PLEKHA7: variants seen among roughly 807,000 people sequenced by gnomAD.
PLEKHA7 encodes pleckstrin homology domain containing A7.
In PLEKHA7, 104 loss-of-function variants were observed where a neutral mutation model predicts 170.0. The ratio of observed to expected loss-of-function variants is 0.61; its 90% CI spans 0.52 to 0.72. The LOEUF is 0.72. Among genes scored for constraint, PLEKHA7 ranks in the 30% least tolerant of loss-of-function variants. PLEKHA7 has a pLI of 0.00. For synonymous variants in PLEKHA7, 648 were observed against 660.8 expected, an observed-to-expected ratio of 0.98 and a Z score of 0.30; for missense variants, 1,615 against 1,671.7, an observed-to-expected ratio of 0.97 and a Z score of 0.59.
Position 16,826,605 on chromosome 11 carries a change from G to A in PLEKHA7, c.873-15C>T, listed in dbSNP as rs2134963361. ...TCTCCATATCCCTGCAATGACAGCA[G>A]CACATTCAGTTTGCTCCACAGCCAA... On this transcript the variant is annotated splice_polypyrimidine_tract_variant and intron_variant, in intron 9 of 26. Transcript: ENST00000531066. The A allele has an allele frequency of 3.1e-6, 5 of 1,600,692 alleles. No individual in the cohort carries two copies. Among genetic ancestry groups the A allele is most frequent in the Non-Finnish European group, 4.3e-6 (5 of 1,172,762 alleles).
At chr11:16,913,402 T>C (rs1351378974) in intron 3 of PLEKHA7, among the ~76,000 whole-genome samples, 2 of 152,138 alleles carry the variant, frequency 1.3e-5, no homozygotes, top group African/African-American at 2.4e-5. Context: ...CCTGGTGTTA[T>C]CAGCAGCAAC....
In PLEKHA7 at chr11:17,009,331, G is replaced by GA. The variant is rs954062442; in HGVS notation, c.221+4657dup. On this transcript the variant is annotated intron_variant, in intron 3 of 26. Transcript: ENST00000531066. ...AAGGATCAAATAAGAAAAGACACAA[G>GA]AAAAAAAACCATCTGCTATAGGAAT... 5.3e-5 allele frequency among the ~76,000 whole-genome samples: 8 copies of GA among 151,604 alleles called. No homozygotes were observed. The East Asian group carries it at 5.8e-4, about 11-fold the overall frequency.
At position 16,791,266 on chromosome 11, in the gene PLEKHA7, G is replaced by A. The variant is rs1847834445; in HGVS notation, c.2746-67C>T. The A allele has an allele frequency of 2.1e-6, 3 of 1,431,474 alleles. No homozygotes were observed. The highest frequency in any genetic ancestry group is 2.8e-6 in the Non-Finnish European group (3 of 1,061,104). The allele number at this position is 1,431,474 out of a possible 1,614,324, so 88.7% of individuals were successfully genotyped here. ...GCTGGAGGGAGGACTGCTAGGTACT[G>A]CCACAGTGGAGGTTTAAAGGGTAGG... is the stretch of plus-strand genomic sequence containing the variant. On this transcript the variant is annotated intron_variant, in intron 19 of 26. Coordinates refer to ENST00000531066, the MANE Select transcript of PLEKHA7 (RefSeq NM_001329630.2). This position sits in a 1 kb window ranked among gnomAD's most constrained non-coding sequence, Gnocchi z 4.5.
At chr11:16,783,675 A>G in intron 25 of PLEKHA7, 25 bp downstream of exon 25, 1 of 1,388,758 alleles carries the variant, frequency 7.2e-7, no homozygotes, top group Non-Finnish European at 9.3e-7. Flanking sequence ...GTGACCTGCC[A>G]ACACTTGAGC....
intron 3 of PLEKHA7, among the ~76,000 whole-genome samples, chr11:16,998,458 C>T (rs1040038515): frequency 4.6e-5 from 7 of 152,172 alleles, no homozygotes; most frequent in African/African-American, 1.7e-4. Flanking sequence ...CAGACACATG[C>T]GGCTTTTGGA....
intron 3 of PLEKHA7, among the ~76,000 whole-genome samples, chr11:16,989,960 C>A (rs1227853388): frequency 6.6e-6 from 1 of 151,982 alleles, no homozygotes; most frequent in Non-Finnish European, 1.5e-5. Flanking sequence ...TCTGTCTTCC[C>A]CATCCACAAA....
intron 4 of PLEKHA7, among the ~76,000 whole-genome samples, chr11:16,856,287 T>C (rs1214231719): frequency 6.6e-6 from 1 of 152,174 alleles, no homozygotes; most frequent in African/African-American, 2.4e-5. Flanking sequence ...GAGCAATCCA[T>C]GCCCTCACAC....
intron 12 of PLEKHA7, chr11:16,815,110 G>T: frequency 6.5e-6 from 1 of 152,980 alleles, no homozygotes. Context: ...GCATGGGCAC[G>T]AGCGAACGCG....
chr11:17,014,022 C>T lies in PLEKHA7; in HGVS notation c.188G>A (p.Gly63Asp), dbSNP rs1336800498. The part of the protein sequence containing the change: ...RSDLPRGWEE[G>D]FTEEGASYFI... ...GTAGCTGGCGCCCTCCTCCGTGAAG[C>T]CCTCCTCCCAGCCGCGGGGCAGGTC... The change falls in exon 3 of 27, where the codon GGC (glycine) becomes GAC (aspartate). Residue 63 changes from glycine (G) to aspartate (D), a missense_variant. Gly to Asp is a moderately conservative substitution (Grantham distance 94). Transcript: ENST00000531066. 16 of 1,552,600 alleles carry T rather than the reference C, an allele frequency of 1.0e-5. 1 individual carries two copies. In the South Asian group the frequency reaches 1.9e-4, roughly 18 times the overall value.
At chr11:16,875,765 A>G (rs1426777030) in intron 3 of PLEKHA7, among the ~76,000 whole-genome samples, 1 of 152,160 alleles carries the variant, frequency 6.6e-6, no homozygotes, top group Non-Finnish European at 1.5e-5. Flanking sequence ...ATTTTTGATC[A>G]AACACATTCA....
intron 25 of PLEKHA7, 136 bp from the exon 26 acceptor site, chr11:16,783,032 A>T (rs1346997610): frequency 2.0e-6 from 2 of 976,478 alleles, no homozygotes; most frequent in African/African-American, 1.6e-5. Flanking sequence ...TTCTCCCTAG[A>T]CAAAGGTACA....
At chr11:16,904,126 A>G (rs550955245) in intron 3 of PLEKHA7, among the ~76,000 whole-genome samples, 3 of 152,210 alleles carry the variant, frequency 2.0e-5, no homozygotes, top group South Asian at 2.1e-4. Flanking sequence ...CCCTCTTGAC[A>G]GGCCTTCATT....
At chr11:16,847,459 A>T (rs1852534474) in intron 8 of PLEKHA7, among the ~76,000 whole-genome samples, 1 of 152,148 alleles carries the variant, frequency 6.6e-6, no homozygotes, top group African/African-American at 2.4e-5. Context: ...GCAACTGTAT[A>T]TGACTAGAGG....
At chr11:16,906,269 AG>A (rs748664774) in intron 3 of PLEKHA7, among the ~76,000 whole-genome samples, 1,335 of 120,736 alleles carry the variant, frequency 0.011, 20 homozygotes, top group South Asian at 0.033. Context: ...GAAGGAAGGA[AG>A]GAAGGAAGGA....
intron 13 of PLEKHA7, among the ~76,000 whole-genome samples, chr11:16,804,225 C>A (rs1175889623): frequency 6.6e-6 from 1 of 152,144 alleles, no homozygotes; most frequent in African/African-American, 2.4e-5. Context: ...GTAGGGGAAA[C>A]CACCTCACTG....
At chr11:16,825,794 TGA>T (rs1850588100) in intron 10 of PLEKHA7, among the ~76,000 whole-genome samples, 1 of 152,234 alleles carries the variant, frequency 6.6e-6, no homozygotes, top group Non-Finnish European at 1.5e-5. Flanking sequence ...ATTTACATGC[TGA>T]ATGTCTCAAG....
At chr11:16,838,550 G>C (rs550452757) in intron 9 of PLEKHA7, among the ~76,000 whole-genome samples, 1 of 146,256 alleles carries the variant, frequency 6.8e-6, no homozygotes, top group African/African-American at 2.6e-5. Context: ...AAATATAAAA[G>C]ATCCTAACCA....
At chr11:16,825,160 T>TA (rs1850538513) in intron 10 of PLEKHA7, among the ~76,000 whole-genome samples, 1 of 152,256 alleles carries the variant, frequency 6.6e-6, no homozygotes. Context: ...TTAAAGAGGT[T>TA]ACAGCAACGT....
At chr11:16,936,602 C>T (rs533976381) in intron 3 of PLEKHA7, among the ~76,000 whole-genome samples, 21 of 152,146 alleles carry the variant, frequency 1.4e-4, no homozygotes, top group Non-Finnish European at 2.8e-4. Context: ...CCGAATCATG[C>T]CTCTTCTCTC....
Sources: gnomAD v4.1 joint callset for allele counts (sites outside exome capture counted in the v4.1 genomes callset) on GRCh38, gnomAD v4.1.1 for gene constraint, Gnocchi (gnomAD v3.1) non-coding constraint, MANE v1.5 for transcripts, NCBI Gene and HGNC (gene_info 2026-07-23, HGNC 2026-07-21) for gene names.